The following PBRM1 variants were observed in gnomAD, a reference collection of about 807,000 sequenced individuals.
The protein encoded by PBRM1 is polybromo 1.
In PBRM1, 27 loss-of-function variants were observed where a neutral mutation model predicts 194.5. The ratio of observed to expected loss-of-function variants is 0.14; its 90% CI spans 0.10 to 0.19. The LOEUF (loss-of-function observed/expected upper bound fraction) is 0.19, where lower values mean the gene tolerates loss of function less well. PBRM1 is among the 10% of genes least tolerant of loss of function. The pLI, the probability that PBRM1 is intolerant of heterozygous loss-of-function variation, is 1.00. For missense variants in PBRM1, 1,466 were observed against 2,077.2 expected (o/e 0.71, Z 5.72); for synonymous variants, 655 against 693.2 (o/e 0.94, Z 0.87).
At chr3:52,665,769 T>C (rs1050075432) in intron 3 of PBRM1, among the ~76,000 whole-genome samples, 6 of 152,122 alleles carry the variant, frequency 3.9e-5, no homozygotes, top group African/African-American at 9.7e-5. Context: ...CATGGAAGAA[T>C]TGTCTTCCGC....
chr3:52,596,321 C>G (rs2093538470), intron 17 of PBRM1, among the ~76,000 whole-genome samples: 1 of 151,196 alleles, frequency 6.6e-6, no homozygotes, highest in Admixed American at 6.6e-5. Context: ...GCCTGTAGTC[C>G]CAGCTACTCG....
chr3:52,641,601 T>C (rs2096088825), intron 10 of PBRM1, among the ~76,000 whole-genome samples: 1 of 151,744 alleles, frequency 6.6e-6, no homozygotes, highest in South Asian at 2.1e-4. Context: ...AAGAAGAAAT[T>C]AGAGCATACT....
intron 16 of PBRM1, among the ~76,000 whole-genome samples, chr3:52,607,845 T>C (rs570373798): frequency 1.3e-5 from 2 of 152,302 alleles, no homozygotes; most frequent in South Asian, 2.1e-4. Flanking sequence ...TGAAGAACCA[T>C]ATTATTAAGG....
intron 14 of PBRM1, 31 bp from the exon 17 acceptor site, chr3:52,615,487 T>A (rs868583915): frequency 7.6e-7 from 1 of 1,313,130 alleles, no homozygotes; most frequent in Middle Eastern, 1.8e-4. Flanking sequence ...TCAATTATTT[T>A]CTAAAAACTT....
chr3:52,651,793 A>G, exon 6 of PBRM1: 1 of 1,603,730 alleles, frequency 6.2e-7, no homozygotes, highest in Non-Finnish European at 8.5e-7. Context: ...TAATTATTGC[A>G]TAATAATCTG....
exon 30 of PBRM1, chr3:52,548,217 T>C (rs1178877286): frequency 6.3e-7 from 1 of 1,586,802 alleles, no homozygotes; most frequent in Non-Finnish European, 8.5e-7. Context: ...TTTCGACAAA[T>C]GGACGTCGCG....
At chr3:52,675,292 GAACT>G (rs1416041191) in intron 2 of PBRM1, among the ~76,000 whole-genome samples, 2 of 152,130 alleles carry the variant, frequency 1.3e-5, no homozygotes, top group Non-Finnish European at 2.9e-5. Flanking sequence ...GACATTTCAA[GAACT>G]AACACACCAA....
Position 52,666,226 on chromosome 3 carries a change from G to A in PBRM1, c.384+2272C>T, listed in dbSNP as rs1223364423. On this transcript the variant is annotated intron_variant, in intron 3 of 29. Transcript: ENST00000296302. ...AGTCCAGGAGTTTGATTCTGGCCTC[G>A]GCAACTTAATGAGACCTCATCTCTT... Among the ~76,000 whole-genome samples the A allele has an allele frequency of 4.6e-5, 7 of 152,058 alleles. No individual in the cohort carries two copies. In the South Asian group the frequency reaches 6.2e-4, roughly 14 times the overall value.
intron 22 of PBRM1, among the ~76,000 whole-genome samples, chr3:52,570,681 C>A (rs2086767091): frequency 6.6e-6 from 1 of 152,062 alleles, no homozygotes; most frequent in Non-Finnish European, 1.5e-5. Context: ...ATTATCAAGA[C>A]CTGCTGGATT....
At chr3:52,685,553 C>G (rs1336089524) in intron 1 of PBRM1, 196 bp downstream of exon 1, 1 of 151,496 alleles carries the variant, frequency 6.6e-6, no homozygotes, top group Non-Finnish European at 1.5e-5. Context: ...TCCCTGCCGG[C>G]AGGTGCGACA....
chr3:52,545,704 C>G (rs771216450), downstream of PBRM1: 1 of 233,032 alleles, frequency 4.3e-6, no homozygotes, highest in Non-Finnish European at 8.5e-6. Flanking sequence ...CCCCTCAGTC[C>G]CCCCGTTTGC....
chr3:52,682,770 A>G (rs1053703929), upstream of PBRM1, among the ~76,000 whole-genome samples: 1 of 152,136 alleles, frequency 6.6e-6, no homozygotes, highest in Non-Finnish European at 1.5e-5. Flanking sequence ...TTTCATCTCT[A>G]AAATAAGAAC....
intron 17 of PBRM1, among the ~76,000 whole-genome samples, chr3:52,597,768 A>G (rs1681856878): frequency 1.3e-5 from 2 of 152,106 alleles, no homozygotes; most frequent in South Asian, 4.2e-4. Context: ...CAGTAGCACA[A>G]TCTCGGCTCA....
At chr3:52,639,469 G>C (rs1213784785) in intron 10 of PBRM1, among the ~76,000 whole-genome samples, 1 of 151,422 alleles carries the variant, frequency 6.6e-6, no homozygotes, top group Non-Finnish European at 1.5e-5. Flanking sequence ...GGGCTGGAGT[G>C]CAGTGGTGGG....
At chr3:52,593,560 G>A (rs1373087876) in intron 17 of PBRM1, among the ~76,000 whole-genome samples, 1 of 152,140 alleles carries the variant, frequency 6.6e-6, no homozygotes, top group Admixed American at 6.5e-5. Context: ...TTTGATGTGG[G>A]TGTTTAGTGT....
At chr3:52,625,807 A>T (rs1310512210) in intron 13 of PBRM1, among the ~76,000 whole-genome samples, 1 of 151,986 alleles carries the variant, frequency 6.6e-6, no homozygotes, top group Non-Finnish European at 1.5e-5. Flanking sequence ...GAAACTCCTG[A>T]CCTCAAGTGA....
At chr3:52,627,680 T>C (rs1167585007) in intron 12 of PBRM1, among the ~76,000 whole-genome samples, 3 of 152,212 alleles carry the variant, frequency 2.0e-5, no homozygotes, top group African/African-American at 7.2e-5. Flanking sequence ...GCTCTGGTTG[T>C]CCTATTTAAG....
chr3:52,623,146 G>C (rs1220801792), intron 13 of PBRM1, among the ~76,000 whole-genome samples: 1 of 152,116 alleles, frequency 6.6e-6, no homozygotes, highest in Non-Finnish European at 1.5e-5. Context: ...GGCACAGCCC[G>C]GCACAGTGAT....
intron 4 of PBRM1, among the ~76,000 whole-genome samples, chr3:52,661,761 A>G (rs920096122): frequency 2.0e-5 from 3 of 152,246 alleles, no homozygotes; most frequent in African/African-American, 7.2e-5. Flanking sequence ...CTACAGAAAT[A>G]TTCCTCACTA....
Sources: allele counts gnomAD v4.1 joint callset (sites outside exome capture counted in the v4.1 genomes callset), GRCh38; gene constraint gnomAD v4.1.1; transcripts MANE v1.5; gene names NCBI Gene and HGNC (gene_info 2026-07-23, HGNC 2026-07-21).